The following CSRP1 variants were observed in gnomAD, a reference collection of about 807,000 sequenced individuals.
CSRP1 encodes the protein cysteine and glycine rich protein 1, also known as cysteine and glycine-rich protein 1.
A neutral mutation model predicts 25.4 loss-of-function variants in CSRP1; 16 were observed. The observed-to-expected ratio is 0.63, with a 90% CI of 0.43 to 0.96. The LOEUF is 0.96. Ranked by LOEUF, CSRP1 falls within the 40% of genes least tolerant of loss-of-function variation. The probability of loss-of-function intolerance (pLI) is 0.00; values close to 1 mark genes in which losing one functional copy is unlikely to be tolerated. For synonymous variants in CSRP1, 97 were observed against 95.3 expected, an observed-to-expected ratio of 1.02 and a Z score of -0.10; for missense variants, 212 against 243.6, an observed-to-expected ratio of 0.87 and a Z score of 0.86.
At chr1:201,493,055 G>A (rs1327596363) in intron 2 of CSRP1, among the ~76,000 whole-genome samples, 2 of 152,290 alleles carry the variant, frequency 1.3e-5, no homozygotes, top group Non-Finnish European at 2.9e-5. Flanking sequence ...CCCCAGCAGG[G>A]AGCTGGGTAC....
intron 4 of CSRP1, chr1:201,486,855 G>A (rs1240152076): frequency 1.7e-6 from 2 of 1,207,126 alleles, no homozygotes; most frequent in Non-Finnish European, 1.1e-6. Context: ...CTTATAGCCT[G>A]CCTAAGTAAT....
intron 3 of CSRP1, chr1:201,489,561 G>C (rs1283823465): frequency 6.3e-6 from 1 of 158,026 alleles, no homozygotes; most frequent in Admixed American, 6.1e-5. Flanking sequence ...GGCTGAGACA[G>C]TGAGGCTGGT....
intron 5 of CSRP1, 43 bp from the exon 6 acceptor site, chr1:201,484,832 C>A (rs760228239): frequency 1.9e-6 from 3 of 1,544,014 alleles, no homozygotes; most frequent in Non-Finnish European, 2.7e-6. Flanking sequence ...CTTCCTCCAC[C>A]CCCAGCCACA....
intron 2 of CSRP1, among the ~76,000 whole-genome samples, chr1:201,495,223 C>A (rs1664474734): frequency 6.6e-6 from 1 of 152,180 alleles, no homozygotes. Context: ...TAGGGAGACC[C>A]TGTCTCTCTA....
At chr1:201,495,767 GC>G (rs765799154) in intron 2 of CSRP1, 40 of 159,132 alleles carry the variant, frequency 2.5e-4, no homozygotes, top group Non-Finnish European at 4.3e-4. Context: ...GGAAGGAGGA[GC>G]CCCACTCTTC....
At chr1:201,491,657 T>G (rs1664341803) in intron 2 of CSRP1, 1 of 152,172 alleles carries the variant, frequency 6.6e-6, no homozygotes, top group Non-Finnish European at 1.5e-5. Flanking sequence ...TTTCACATAC[T>G]CCTCTCAAGA....
At chr1:201,487,002 C>T in intron 4 of CSRP1, 1 of 1,299,458 alleles carries the variant, frequency 7.7e-7, no homozygotes, top group Non-Finnish European at 1.0e-6. Context: ...TTCATTGTGA[C>T]CTCAAAATAA....
intron 1 of CSRP1, among the ~76,000 whole-genome samples, chr1:201,500,370 T>C (rs1470229697): frequency 1.3e-5 from 2 of 152,246 alleles, no homozygotes; most frequent in Non-Finnish European, 2.9e-5. Flanking sequence ...TTGTTTTCCC[T>C]GGCTCCGTGT....
rs1221232342 is a variant in CSRP1 at position 201,490,043 on chromosome 1, G to C, written c.281+133C>G. On this transcript the variant is annotated intron_variant, in intron 3 of 5. Transcript: ENST00000340006. Reference sequence around the variant, plus strand: ...GCCTGACACATAGACACTGCTCTGTGACTGCCTTTTAAATAACTGGTTTTC... The same window carrying C: ...GCCTGACACATAGACACTGCTCTGTCACTGCCTTTTAAATAACTGGTTTTC... 4 of 886,936 alleles carry C rather than the reference G, an allele frequency of 4.5e-6. No individual in the cohort carries two copies. The East Asian group carries it at 1.1e-4, about 24-fold the overall frequency. 54.9% of individuals were successfully genotyped at this position (886,936 alleles called of 1,614,324 possible). A position where few individuals can be genotyped will look rare whatever the true frequency, so the allele number is the denominator to read the frequency against.
intron 2 of CSRP1, 24 bp downstream of exon 2, chr1:201,496,168 C>T: frequency 6.3e-7 from 1 of 1,591,632 alleles, no homozygotes; most frequent in Non-Finnish European, 8.6e-7. Flanking sequence ...AAGGCAACAG[C>T]AATAGGGCCT....
At chr1:201,498,426 T>C (rs535094263) in intron 1 of CSRP1, among the ~76,000 whole-genome samples, 1 of 152,348 alleles carries the variant, frequency 6.6e-6, no homozygotes, top group Admixed American at 6.5e-5. Flanking sequence ...CAGAGGGATC[T>C]GTTGCCTCAG....
chr1:201,489,012 T>G, intron 3 of CSRP1, 28 bp from the exon 4 acceptor site: 1 of 1,612,044 alleles, frequency 6.2e-7, no homozygotes. Context: ...TGGGGTGAGG[T>G]GACTTACACT....
chr1:201,486,717 A>G, intron 4 of CSRP1: 2 of 1,053,344 alleles, frequency 1.9e-6, no homozygotes, highest in African/African-American at 1.7e-5. Context: ...CTCATTCATA[A>G]GCACCCAAAA....
At chr1:201,501,097 T>C (rs1040975492) in intron 1 of CSRP1, among the ~76,000 whole-genome samples, 3 of 152,226 alleles carry the variant, frequency 2.0e-5, no homozygotes, top group African/African-American at 7.2e-5. Context: ...GGACCGTATA[T>C]GGACTCCCTA....
chr1:201,485,644 AG>A (rs1390947281), intron 4 of CSRP1: 15 of 469,024 alleles, frequency 3.2e-5, no homozygotes, highest in Non-Finnish European at 5.5e-5. Flanking sequence ...AAGGCAGGTG[AG>A]GGGGTGGGTT....
chr1:201,490,449 A>C (rs1664302185), intron 2 of CSRP1, 105 bp from the exon 3 acceptor site: 1 of 1,170,684 alleles, frequency 8.5e-7, no homozygotes. Flanking sequence ...CTTTGCATAC[A>C]TAATATCCTG....
In CSRP1 at chr1:201,484,058, C is replaced by A. The variant is rs752007726; in HGVS notation, c.*655G>T. The A allele has an allele frequency of 4.3e-6, 3 of 695,110 alleles. No homozygotes were observed. The highest frequency in any genetic ancestry group is 7.9e-6 in the Non-Finnish European group (3 of 379,044). The allele number at this position is 695,110 out of a possible 1,614,324, so 43.1% of individuals were successfully genotyped here. A position where few individuals can be genotyped will look rare whatever the true frequency, so the allele number is the denominator to read the frequency against. On this transcript the variant is annotated 3_prime_UTR_variant, in exon 6 of 6. Coordinates refer to ENST00000340006, the MANE Select transcript of CSRP1 (RefSeq NM_004078.3). ...TCAAACAACATCCTGACTTTGGGGT[C>A]CTTAAGACCTGGGTTATTCTCCTCC...
At chr1:201,504,487 T>C (rs1207241338) in intron 1 of CSRP1, among the ~76,000 whole-genome samples, 1 of 152,226 alleles carries the variant, frequency 6.6e-6, no homozygotes, top group African/African-American at 2.4e-5. Context: ...GAAAAAGTCT[T>C]ATTCTCACTA....
intron 2 of CSRP1, among the ~76,000 whole-genome samples, chr1:201,495,369 A>G: frequency 6.6e-6 from 1 of 152,172 alleles, no homozygotes; most frequent in East Asian, 1.9e-4. Context: ...TGACAGAGTG[A>G]GACTCTGTCT....
Sources: allele counts gnomAD v4.1 joint callset (sites outside exome capture counted in the v4.1 genomes callset), GRCh38; gene constraint gnomAD v4.1.1; transcripts MANE v1.5; gene names NCBI Gene and HGNC (gene_info 2026-07-23, HGNC 2026-07-21).